The following SLC6A2 variants were observed in gnomAD, a reference collection of about 807,000 sequenced individuals.
SLC6A2 encodes the protein sodium-dependent noradrenaline transporter.
In SLC6A2, 26 loss-of-function variants were observed where a neutral mutation model predicts 71.7. The ratio of observed to expected loss-of-function variants is 0.36; its 90% CI spans 0.27 to 0.50. SLC6A2 has a LOEUF of 0.50. Ranked by LOEUF, SLC6A2 falls within the 20% of genes least tolerant of loss-of-function variation. The probability of loss-of-function intolerance (pLI) is 0.96; values close to 1 mark genes in which losing one functional copy is unlikely to be tolerated. For missense variants in SLC6A2, 581 were observed against 803.9 expected, an observed-to-expected ratio of 0.72 and a Z score of 3.35; for synonymous variants, 363 against 337.9, an observed-to-expected ratio of 1.07 and a Z score of -0.82.
intron 14 of SLC6A2, 88 bp from the exon 15 acceptor site, chr16:55,702,234 TC>T (rs1463328235): frequency 3.1e-6 from 4 of 1,292,486 alleles, no homozygotes; most frequent in Non-Finnish European, 4.5e-6. Context: ...TTTTCTGCCT[TC>T]TCTCTACCTC....
At chr16:55,680,757 T>G (rs36019) in intron 4 of SLC6A2, among the ~76,000 whole-genome samples, 112,334 of 151,994 alleles carry the variant, frequency 0.74, 41,701 homozygotes, top group African/African-American at 0.77. Context: ...GCCTGGGATG[T>G]GGACAGTGGG....
chr16:55,683,063 A>G (rs1367892999), intron 4 of SLC6A2, among the ~76,000 whole-genome samples: 2 of 152,134 alleles, frequency 1.3e-5, no homozygotes, highest in Non-Finnish European at 2.9e-5. Context: ...TACCACACCA[A>G]GTTGTTCCCA....
At chr16:55,677,184 C>T (rs1965115862) in intron 4 of SLC6A2, among the ~76,000 whole-genome samples, 1 of 152,058 alleles carries the variant, frequency 6.6e-6, no homozygotes, top group Non-Finnish European at 1.5e-5. Flanking sequence ...AGGAGTATGG[C>T]CTCAGAAAAT....
intron 5 of SLC6A2, among the ~76,000 whole-genome samples, chr16:55,687,933 C>T (rs1189217744): frequency 4.6e-5 from 7 of 152,190 alleles, no homozygotes; most frequent in African/African-American, 1.7e-4. Context: ...CAGAGTGTTA[C>T]ACTAGGAAAG....
Position 55,702,586 on chromosome 16 carries a change from T to C in SLC6A2, c.*240T>C. The C allele has an allele frequency of 7.0e-7, 1 of 1,419,802 alleles. No homozygotes were observed. Among genetic ancestry groups the C allele is most frequent in the Non-Finnish European group, 9.2e-7 (1 of 1,087,946 alleles). The allele number at this position is 1,419,802 out of a possible 1,614,324, so 88.0% of individuals were successfully genotyped here. On this transcript the variant is annotated 3_prime_UTR_variant, in exon 15 of 15. Coordinates refer to ENST00000568943, the MANE Select transcript of SLC6A2 (RefSeq NM_001172501.3). ...GCAAACAGGAAAATGACTTCTGTTC[T>C]GTCCCCGCTGTTTTGGGGGAAGTCT...
In SLC6A2 at chr16:55,703,167, G is replaced by T; in HGVS notation, c.*821G>T. On this transcript the variant is annotated 3_prime_UTR_variant, in exon 15 of 15. Coordinates refer to ENST00000568943, the MANE Select transcript of SLC6A2 (RefSeq NM_001172501.3). ...TCTACTGAGGCCTCATGCTGCTCTT[G>T]CTCTGTAAGACACGGAGCCCAGAAA... 1.0e-6 allele frequency: 1 copy of T among 985,390 alleles called. No individual in the cohort carries two copies. Among genetic ancestry groups the T allele is most frequent in the African/African-American group, 1.7e-5 (1 of 57,344 alleles). 61.0% of individuals were successfully genotyped at this position (985,390 alleles called of 1,614,324 possible). A position where few individuals can be genotyped will look rare whatever the true frequency, so the allele number is the denominator to read the frequency against.
In SLC6A2 at chr16:55,656,976, T is replaced by C. The variant is rs1596936203; in HGVS notation, c.274+8T>C. The C allele has an allele frequency of 1.9e-6, 3 of 1,612,298 alleles. No homozygotes were observed. Among genetic ancestry groups the C allele is most frequent in the Non-Finnish European group, 1.7e-6 (2 of 1,179,298 alleles). ...GCTACAAGAACGGCGGCGGTGAGCG[T>C]GGGGTCGGGCTGGGAATTTGAATCT... On this transcript the variant is annotated splice_region_variant and intron_variant, in intron 2 of 14. Coordinates refer to ENST00000568943, the MANE Select transcript of SLC6A2 (RefSeq NM_001172501.3). The surrounding 1 kb of genome is among the most constrained non-coding windows in gnomAD (Gnocchi z 4.5).
At chr16:55,661,547 C>T (rs1356942224) in intron 2 of SLC6A2, among the ~76,000 whole-genome samples, 1 of 152,086 alleles carries the variant, frequency 6.6e-6, no homozygotes, top group Non-Finnish European at 1.5e-5. Context: ...TAACTGCATG[C>T]TAGACTTAGG....
At chr16:55,701,993 T>C in intron 14 of SLC6A2, 59 bp downstream of exon 14, 1 of 1,283,962 alleles carries the variant, frequency 7.8e-7, no homozygotes, top group Non-Finnish European at 1.1e-6. Flanking sequence ...GGCTGTTCCC[T>C]GCTGTGCACT....
chr16:55,658,324 C>T (rs757361481), intron 2 of SLC6A2, among the ~76,000 whole-genome samples: 47 of 152,242 alleles, frequency 3.1e-4, no homozygotes, highest in Non-Finnish European at 5.0e-4. Context: ...CCAGCCTGGG[C>T]AACATGGTGA....
rs1391598829 is a variant in SLC6A2 at position 55,703,098 on chromosome 16, T to C, written c.*752T>C. 4.1e-6 allele frequency: 4 copies of C among 985,424 alleles called. No individual in the cohort carries two copies. Among genetic ancestry groups the C allele is most frequent in the East Asian group, 2.3e-4 (2 of 8,820 alleles). 61.0% of individuals were successfully genotyped at this position (985,424 alleles called of 1,614,324 possible). A position where few individuals can be genotyped will look rare whatever the true frequency, so the allele number is the denominator to read the frequency against. ...ACCACAGTGAGCAGGTTCTAGGAGG[T>C]ACCTGCATCAGACAAGCTGGTGGAG... is the stretch of plus-strand genomic sequence containing the variant. On this transcript the variant is annotated 3_prime_UTR_variant, in exon 15 of 15. Coordinates refer to ENST00000568943, the MANE Select transcript of SLC6A2 (RefSeq NM_001172501.3).
intron 2 of SLC6A2, among the ~76,000 whole-genome samples, chr16:55,659,378 T>C (rs36030): frequency 0.14 from 21,563 of 152,198 alleles, 1,562 homozygotes; most frequent in Middle Eastern, 0.17. Flanking sequence ...ACCTGTTGTA[T>C]GCAGTGTACT....
intron 4 of SLC6A2, among the ~76,000 whole-genome samples, chr16:55,681,019 C>T (rs1208405732): frequency 6.6e-6 from 1 of 152,094 alleles, no homozygotes; most frequent in Non-Finnish European, 1.5e-5. Context: ...CACCTGTGCA[C>T]CTCCTGTCAG....
rs370640284 is a variant in SLC6A2, at chr16:55,669,704, A to C, written c.406+8A>C. 3.1e-6 allele frequency: 5 copies of C among 1,614,012 alleles called. No homozygotes were observed. The highest frequency in any genetic ancestry group is 3.3e-5 in the Admixed American group (2 of 60,012). On this transcript the variant is annotated splice_region_variant and intron_variant, in intron 3 of 14. Transcript: ENST00000568943. ...TCTGCCCATTCTTCAAAGGTAAAGAAGGGGTGGGAGAAAGTCACGGTTGTT... is the reference window on the plus strand; with the variant it reads ...TCTGCCCATTCTTCAAAGGTAAAGACGGGGTGGGAGAAAGTCACGGTTGTT...
chr16:55,668,380 G>A (rs949573396), intron 2 of SLC6A2, among the ~76,000 whole-genome samples: 5 of 152,208 alleles, frequency 3.3e-5, no homozygotes, highest in Admixed American at 1.3e-4. Flanking sequence ...GGACGAGCAA[G>A]TGTGAGCTGC....
intron 11 of SLC6A2, 147 bp downstream of exon 11, chr16:55,698,715 C>T (rs555322795): frequency 4.1e-5 from 29 of 707,758 alleles, no homozygotes; most frequent in African/African-American, 1.1e-4. Flanking sequence ...TCTCAATCCT[C>T]GGCTCATCTT....
Position 55,705,129 on chromosome 16 carries a change from A to C in SLC6A2, c.*2783A>C. 2 of 1,013,154 alleles carry C rather than the reference A, an allele frequency of 2.0e-6. No individual in the cohort carries two copies. Among genetic ancestry groups the C allele is most frequent in the Non-Finnish European group, 1.5e-6 (1 of 676,702 alleles). 62.8% of individuals were successfully genotyped at this position (1,013,154 alleles called of 1,614,324 possible). A position where few individuals can be genotyped will look rare whatever the true frequency, so the allele number is the denominator to read the frequency against. On this transcript the variant is annotated 3_prime_UTR_variant, in exon 15 of 15. Transcript: ENST00000568943. ...TTTTAAAGAATTATTATTTTTCATGAAATGTAAAATATCAGTTTGAGAACA... is the reference window on the plus strand; with the variant it reads ...TTTTAAAGAATTATTATTTTTCATGCAATGTAAAATATCAGTTTGAGAACA...
chr16:55,664,339 G>A (rs1964690617), intron 2 of SLC6A2, among the ~76,000 whole-genome samples: 1 of 152,162 alleles, frequency 6.6e-6, no homozygotes, highest in Non-Finnish European at 1.5e-5. Context: ...TGTGGCCTGG[G>A]GGCATCCTTT....
At chr16:55,693,523 C>T (rs1004967848) in intron 6 of SLC6A2, among the ~76,000 whole-genome samples, 6 of 152,344 alleles carry the variant, frequency 3.9e-5, no homozygotes, top group East Asian at 1.9e-4. Context: ...TTCAGGCCTC[C>T]GGCCATGTGC....
Sources: gnomAD v4.1 joint callset for allele counts (sites outside exome capture counted in the v4.1 genomes callset) on GRCh38, gnomAD v4.1.1 for gene constraint, Gnocchi (gnomAD v3.1) non-coding constraint, MANE v1.5 for transcripts, NCBI Gene and HGNC (gene_info 2026-07-23, HGNC 2026-07-21) for gene names.